The following TERB1 variants were observed in gnomAD, a reference collection of about 807,000 sequenced individuals.
The protein encoded by TERB1 is telomere repeat binding bouquet formation protein 1.
In TERB1, 63 loss-of-function variants were observed where a neutral mutation model predicts 92.3. The ratio of observed to expected loss-of-function variants is 0.68; its 90% CI spans 0.56 to 0.84. The LOEUF is 0.84. Among genes scored for constraint, TERB1 ranks in the 40% least tolerant of loss-of-function variants. The probability of loss-of-function intolerance (pLI) is 0.00; values close to 1 mark genes in which losing one functional copy is unlikely to be tolerated. For missense variants in TERB1, 709 were observed against 843.7 expected, an observed-to-expected ratio of 0.84 and a Z score of 1.98; for synonymous variants, 252 against 283.9, an observed-to-expected ratio of 0.89 and a Z score of 1.13.
At chr16:66,759,858 G>A (rs915661847) in intron 16 of TERB1, among the ~76,000 whole-genome samples, 2 of 149,778 alleles carry the variant, frequency 1.3e-5, no homozygotes, top group South Asian at 2.2e-4. Context: ...CATCTAGAGC[G>A]GGCGCAGTGG....
At chr16:66,786,441 C>T (rs928025469) in intron 6 of TERB1, among the ~76,000 whole-genome samples, 156 bp from the exon 7 acceptor site, 1 of 152,042 alleles carries the variant, frequency 6.6e-6, no homozygotes, top group Non-Finnish European at 1.5e-5. Context: ...AATCTGCAAT[C>T]AAGATTATTA....
Position 66,801,533 on chromosome 16 carries a change from C to T in TERB1, c.-175G>A, listed in dbSNP as rs1440997790. The stretch of plus-strand genomic sequence containing the variant: ...GAGCGGAGGCCGTGGCGTCTACCCT[C>T]AAGCGGGAGCTTCCGCCCTTTCTTC... On this transcript the variant is annotated 5_prime_UTR_variant, in exon 1 of 19. Transcript: ENST00000433154. The T allele has an allele frequency of 6.6e-6, 1 of 152,304 alleles. No individual in the cohort carries two copies. The highest frequency in any genetic ancestry group is 6.5e-5 in the Admixed American group (1 of 15,296). 9.4% of individuals were successfully genotyped at this position (152,304 alleles called of 1,614,324 possible). A position where few individuals can be genotyped will look rare whatever the true frequency, so the allele number is the denominator to read the frequency against.
rs1424071655 is a variant in TERB1, at chr16:66,801,494, A to T, written c.-136T>A. ...GAGTTTCCAAGCGCGGTAAGGCAGG[A>T]CAACAACGCGCGGGAGCGGAGGCCG... On this transcript the variant is annotated 5_prime_UTR_variant, in exon 1 of 19. Transcript: ENST00000433154. 6.6e-6 allele frequency: 1 copy of T among 152,266 alleles called. No individual in the cohort carries two copies. The highest frequency in any genetic ancestry group is 1.5e-5 in the Non-Finnish European group (1 of 68,092). The allele number at this position is 152,266 out of a possible 1,614,324, so 9.4% of individuals were successfully genotyped here.
chr16:66,777,417 T>C (rs980286920), intron 10 of TERB1, 83 bp from the exon 11 acceptor site: 2 of 819,162 alleles, frequency 2.4e-6, no homozygotes, highest in African/African-American at 1.7e-5. Context: ...TCAGAGTTTA[T>C]TCAGGCAGAA....
chr16:66,761,122 A>AAG (rs1375176384), intron 16 of TERB1, among the ~76,000 whole-genome samples: 29 of 149,650 alleles, frequency 1.9e-4, no homozygotes, highest in South Asian at 1.5e-3. Flanking sequence ...AAAAAAAAAA[A>AAG]AAAAGAAAAG....
chr16:66,757,541 G>T (rs2018157559), intron 18 of TERB1, among the ~76,000 whole-genome samples: 1 of 152,116 alleles, frequency 6.6e-6, no homozygotes, highest in South Asian at 2.1e-4. Flanking sequence ...TTCAGAAAGT[G>T]GGCTCATCTG....
chr16:66,796,365 T>C (rs2018929531), intron 3 of TERB1, among the ~76,000 whole-genome samples: 1 of 152,196 alleles, frequency 6.6e-6, no homozygotes, highest in African/African-American at 2.4e-5. Flanking sequence ...TTAAGGGCTG[T>C]CTTCCTCAGC....
chr16:66,795,734 C>G (rs767493084), intron 3 of TERB1, among the ~76,000 whole-genome samples: 2 of 152,188 alleles, frequency 1.3e-5, no homozygotes, highest in Non-Finnish European at 2.9e-5. Flanking sequence ...CAACTTTCCT[C>G]TAGCTACTGC....
chr16:66,766,893 A>G (rs2018354828), intron 16 of TERB1, among the ~76,000 whole-genome samples: 1 of 152,170 alleles, frequency 6.6e-6, no homozygotes, highest in South Asian at 2.1e-4. Context: ...GAAATCCTCC[A>G]GCCTTGGCCT....
chr16:66,766,508 G>C (rs1163698369), intron 16 of TERB1, among the ~76,000 whole-genome samples: 3 of 152,148 alleles, frequency 2.0e-5, no homozygotes, highest in African/African-American at 7.2e-5. Flanking sequence ...ACATTTACAA[G>C]AGCCCTGCAG....
At chr16:66,790,878 T>C in intron 4 of TERB1, 31 bp downstream of exon 4, 1 of 1,464,216 alleles carries the variant, frequency 6.8e-7, no homozygotes. Flanking sequence ...AGAACTAGAA[T>C]CACAGATAAA....
chr16:66,784,969 T>G (rs566719169), intron 9 of TERB1, among the ~76,000 whole-genome samples: 167 of 150,266 alleles, frequency 1.1e-3, no homozygotes, highest in African/African-American at 3.6e-3. Flanking sequence ...GCGATCCACC[T>G]GCCTCAGCCT....
intron 15 of TERB1, 58 bp downstream of exon 15, chr16:66,768,046 T>C: frequency 1.5e-6 from 2 of 1,340,710 alleles, no homozygotes; most frequent in Non-Finnish European, 1.0e-6. Flanking sequence ...TTTTTAGCTA[T>C]ATTGGTTACC....
chr16:66,757,564 A>T (rs981735836), intron 18 of TERB1, among the ~76,000 whole-genome samples: 3 of 152,206 alleles, frequency 2.0e-5, no homozygotes, highest in African/African-American at 7.2e-5. Context: ...GTGGTACTAT[A>T]CTTAATTATA....
At position 66,770,260 on chromosome 16, in the gene TERB1, A is replaced by G. The variant is rs1329412796; in HGVS notation, c.1322T>C (p.Ile441Thr). 6.4e-7 allele frequency: 1 copy of G among 1,551,284 alleles called. No homozygotes were observed. ...NYQDNISSMNISIQNTWKHLH... is the reference protein window; with the variant it reads ...NYQDNISSMNTSIQNTWKHLH... Reference sequence around the variant, plus strand: ...ATGTTTCCATGTATTCTGAATACTTATGTTCATAGATGAAATATTATCCTG... The same window carrying G: ...ATGTTTCCATGTATTCTGAATACTTGTGTTCATAGATGAAATATTATCCTG... Residue 441 changes from isoleucine (I) to threonine (T), a missense_variant, in exon 14 of 19, where the codon ATA (isoleucine) becomes ACA (threonine). Coordinates refer to ENST00000433154, the MANE Select transcript of TERB1 (RefSeq NM_001136505.2).
Position 66,767,476 on chromosome 16 carries a change from T to C in TERB1, c.1719A>G (p.Lys573=), listed in dbSNP as rs1348513671. 1 of 1,525,934 alleles carries C rather than the reference T, an allele frequency of 6.6e-7. No homozygotes were observed. The highest frequency in any genetic ancestry group is 1.4e-5 in the African/African-American group (1 of 71,280). 94.5% of individuals were successfully genotyped at this position (1,525,934 alleles called of 1,614,324 possible). A position where few individuals can be genotyped will look rare whatever the true frequency, so the allele number is the denominator to read the frequency against. The change falls in exon 16 of 19, where the codon AAA becomes AAG. Residue 573 remains lysine, a synonymous_variant. Transcript: ENST00000433154. ...PFTLCSDIIN[K]EVVSFLATPS... Reference sequence around the variant, plus strand: ...GAGTTGCTAGAAAACTGACTACTTCTTTATTTATTATATCTGAACATAATG... The same window carrying C: ...GAGTTGCTAGAAAACTGACTACTTCCTTATTTATTATATCTGAACATAATG...
At chr16:66,794,233 G>A (rs990698453) in intron 3 of TERB1, among the ~76,000 whole-genome samples, 6 of 152,014 alleles carry the variant, frequency 3.9e-5, no homozygotes, top group South Asian at 2.1e-4. Context: ...CCAAGTAGCC[G>A]GGAATACACG....
chr16:66,793,402 G>A (rs1259083767), intron 3 of TERB1, among the ~76,000 whole-genome samples: 1 of 151,744 alleles, frequency 6.6e-6, no homozygotes, highest in Admixed American at 6.6e-5. Flanking sequence ...ATTTTTACGA[G>A]AGATGGGATT....
At chr16:66,793,211 GTT>G (rs1174263983) in intron 3 of TERB1, among the ~76,000 whole-genome samples, 107 of 93,576 alleles carry the variant, frequency 1.1e-3, no homozygotes, top group African/African-American at 3.7e-3. Flanking sequence ...TTGTGGTTTG[GTT>G]TTTTTTTTTT....
Sources: gnomAD v4.1 joint callset for allele counts (sites outside exome capture counted in the v4.1 genomes callset) on GRCh38, gnomAD v4.1.1 for gene constraint, MANE v1.5 for transcripts, NCBI Gene and HGNC (gene_info 2026-07-23, HGNC 2026-07-21) for gene names.